FSIP1: variants seen among roughly 807,000 people sequenced by gnomAD.
FSIP1 encodes the protein fibrous sheath-interacting protein 1.
Under a neutral mutation model 60.9 loss-of-function variants are expected in FSIP1, and 65 were observed. That is an observed-to-expected ratio of 1.07 (90% CI 0.87 to 1.31). The LOEUF (loss-of-function observed/expected upper bound fraction) is 1.31, where lower values mean the gene tolerates loss of function less well. Ranked by LOEUF, FSIP1 falls within the 40% of genes most tolerant of loss-of-function variation. FSIP1 has a pLI of 0.00. For synonymous variants in FSIP1, 209 were observed against 221.2 expected, an observed-to-expected ratio of 0.94 and a Z score of 0.49; for missense variants, 675 against 665.5, an observed-to-expected ratio of 1.01 and a Z score of -0.16.
At chr15:39,714,886 T>A (rs55674415) in intron 9 of FSIP1, among the ~76,000 whole-genome samples, 18,698 of 146,808 alleles carry the variant, frequency 0.13, 1,378 homozygotes, top group African/African-American at 0.2. Context: ...GGTGGGAGGA[T>A]CACTTGAACC....
chr15:39,678,975 T>C (rs1459779626), intron 10 of FSIP1, among the ~76,000 whole-genome samples: 1 of 152,220 alleles, frequency 6.6e-6, no homozygotes, highest in African/African-American at 2.4e-5. Context: ...GGAAAGTCCC[T>C]ACTACAAAGG....
chr15:39,769,787 T>C (rs1407911775), intron 3 of FSIP1, among the ~76,000 whole-genome samples: 1 of 152,194 alleles, frequency 6.6e-6, no homozygotes, highest in Non-Finnish European at 1.5e-5. Flanking sequence ...TTTGGTGCCA[T>C]TGTCCTGATT....
chr15:39,778,657 T>G (rs755512026), intron 1 of FSIP1, among the ~76,000 whole-genome samples: 3 of 152,154 alleles, frequency 2.0e-5, no homozygotes, highest in African/African-American at 7.2e-5. Flanking sequence ...TACGTAAGCA[T>G]TGAATGTTGA....
intron 10 of FSIP1, among the ~76,000 whole-genome samples, chr15:39,639,319 T>G (rs1326596250): frequency 2.0e-5 from 3 of 151,996 alleles, no homozygotes. Flanking sequence ...TCTGACTACC[T>G]TTTTTTTCAA....
intron 5 of FSIP1, among the ~76,000 whole-genome samples, chr15:39,744,777 TCACACACACACACA>T (rs55691651): frequency 7.2e-6 from 1 of 137,966 alleles, no homozygotes. Context: ...TCCCCCTCAG[TCACACACACACACA>T]CACACACACA....
At chr15:39,678,521 A>G (rs1027910958) in intron 10 of FSIP1, among the ~76,000 whole-genome samples, 2 of 152,198 alleles carry the variant, frequency 1.3e-5, no homozygotes, top group Non-Finnish European at 2.9e-5. Context: ...GGAAATATAA[A>G]AACATTCGTA....
chr15:39,668,427 A>C (rs1595593218), intron 10 of FSIP1, among the ~76,000 whole-genome samples: 1 of 152,202 alleles, frequency 6.6e-6, no homozygotes, highest in Non-Finnish European at 1.5e-5. Context: ...AAGAGGATAC[A>C]AAGGAAAAAT....
At chr15:39,658,993 C>T (rs1893182792) in intron 10 of FSIP1, among the ~76,000 whole-genome samples, 1 of 152,276 alleles carries the variant, frequency 6.6e-6, no homozygotes, top group Middle Eastern at 3.4e-3. Context: ...GAATGAAGTA[C>T]TAATACATGC....
intron 10 of FSIP1, among the ~76,000 whole-genome samples, chr15:39,627,843 T>C (rs1351786537): frequency 6.6e-6 from 1 of 152,246 alleles, no homozygotes; most frequent in Non-Finnish European, 1.5e-5. Flanking sequence ...AGCAGCAATA[T>C]ACTTTTGCCT....
rs372805337 is a variant in FSIP1, at chr15:39,600,215, G to C, written c.*665C>G. 1 of 152,188 alleles carries C rather than the reference G, an allele frequency of 6.6e-6. No homozygotes were observed. The highest frequency in any genetic ancestry group is 1.9e-4 in the East Asian group (1 of 5,200). The allele number at this position is 152,188 out of a possible 1,614,324, so 9.4% of individuals were successfully genotyped here. On this transcript the variant is annotated 3_prime_UTR_variant, in exon 12 of 12. Coordinates refer to ENST00000350221, the MANE Select transcript of FSIP1 (RefSeq NM_152597.5). Reference sequence around the variant, plus strand: ...CCATCTCTCTTCAAATAGTACCGCAGACTGTCTTTTAAAGTAGCTCATCTT... The same window carrying C: ...CCATCTCTCTTCAAATAGTACCGCACACTGTCTTTTAAAGTAGCTCATCTT...
At chr15:39,674,965 T>C in intron 10 of FSIP1, among the ~76,000 whole-genome samples, 1 of 151,818 alleles carries the variant, frequency 6.6e-6, no homozygotes, top group Non-Finnish European at 1.5e-5. Flanking sequence ...GAATCAAGAA[T>C]ATATAAAGAA....
At chr15:39,755,639 TACCAGATTTTCTTTGAGTATTTA>T (rs1433215237) in intron 5 of FSIP1, among the ~76,000 whole-genome samples, 2 of 152,156 alleles carry the variant, frequency 1.3e-5, no homozygotes, top group Non-Finnish European at 2.9e-5. Context: ...AGAAAGAGAC[TACCAGATTTTCTTTGAGTATTTA>T]ACCCAAGCAT....
chr15:39,634,217 T>A (rs1892033921), intron 10 of FSIP1, among the ~76,000 whole-genome samples: 2 of 152,220 alleles, frequency 1.3e-5, no homozygotes, highest in Admixed American at 1.3e-4. Context: ...TATTCTCCAA[T>A]ATTAAGGAAA....
intron 5 of FSIP1, among the ~76,000 whole-genome samples, chr15:39,744,842 AAGG>A (rs1896940492): frequency 6.7e-6 from 1 of 148,444 alleles, no homozygotes; most frequent in Non-Finnish European, 1.5e-5. Context: ...CTGTGGCTTG[AAGG>A]AGAACAGAAG....
intron 8 of FSIP1, among the ~76,000 whole-genome samples, chr15:39,736,367 T>C (rs961953091): frequency 3.9e-5 from 6 of 152,224 alleles, no homozygotes; most frequent in African/African-American, 1.4e-4. Context: ...TTTAGAGGAT[T>C]ATTATGTGTG....
intron 10 of FSIP1, among the ~76,000 whole-genome samples, chr15:39,661,793 T>C (rs757553498): frequency 6.6e-6 from 1 of 152,210 alleles, no homozygotes; most frequent in Admixed American, 6.5e-5. Flanking sequence ...TCATATCAAG[T>C]AGAGTTCTGC....
chr15:39,690,118 T>C (rs1250919398), intron 10 of FSIP1, among the ~76,000 whole-genome samples: 1 of 152,202 alleles, frequency 6.6e-6, no homozygotes, highest in African/African-American at 2.4e-5. Flanking sequence ...GTTTGTATGT[T>C]AGGGAACAGC....
chr15:39,752,323 T>C (rs1897187723), intron 5 of FSIP1, among the ~76,000 whole-genome samples: 2 of 152,132 alleles, frequency 1.3e-5, no homozygotes, highest in African/African-American at 2.4e-5. Context: ...TAGCAAGTTT[T>C]CCCAGCACCA....
intron 3 of FSIP1, among the ~76,000 whole-genome samples, chr15:39,766,027 A>T (rs955867696): frequency 1.3e-5 from 2 of 152,234 alleles, no homozygotes; most frequent in Non-Finnish European, 1.5e-5. Context: ...CTCAGAAGTG[A>T]TCCTCGTGAT....
Sources: allele counts gnomAD v4.1 joint callset (sites outside exome capture counted in the v4.1 genomes callset), GRCh38; gene constraint gnomAD v4.1.1; transcripts MANE v1.5; gene names NCBI Gene and HGNC (gene_info 2026-07-23, HGNC 2026-07-21).